The following WDR76 variants were observed in gnomAD, a reference collection of about 807,000 sequenced individuals.
WDR76 encodes WD repeat-containing protein 76.
In WDR76, 52 loss-of-function variants were observed where a neutral mutation model predicts 70.2. The ratio of observed to expected loss-of-function variants is 0.74; its 90% CI spans 0.59 to 0.93. The LOEUF (loss-of-function observed/expected upper bound fraction) is 0.93. WDR76 is among the 40% of genes least tolerant of loss of function. WDR76 has a pLI of 0.00. For synonymous variants in WDR76, 292 were observed against 271.1 expected (o/e 1.08, Z -0.76); for missense variants, 756 against 760.2 (o/e 0.99, Z 0.07).
At position 43,857,132 on chromosome 15, in the gene WDR76, C is replaced by T; in HGVS notation, c.1378C>T (p.His460Tyr). ...AAGAACTGTTCATGTCCACCCAGTGCATAGACAGTATTTTATCACTGCCGG... is the reference window on the plus strand; with the variant it reads ...AAGAACTGTTCATGTCCACCCAGTGTATAGACAGTATTTTATCACTGCCGG... ...KIRTVHVHPV[H>Y]RQYFITAGLR... Residue 460 changes from histidine to tyrosine, a missense_variant, in exon 10 of 13, where the codon CAT becomes TAT. Physicochemically the swap from His to Tyr is moderately conservative, Grantham distance 83. Transcript: ENST00000263795. 3 of 1,613,906 alleles carry T rather than the reference C, an allele frequency of 1.9e-6. No homozygotes were observed. The highest frequency in any genetic ancestry group is 2.5e-6 in the Non-Finnish European group (3 of 1,179,940).
At chr15:43,847,247 T>G (rs1366632474) in intron 8 of WDR76, among the ~76,000 whole-genome samples, 1 of 152,112 alleles carries the variant, frequency 6.6e-6, no homozygotes, top group Non-Finnish European at 1.5e-5. Context: ...TTAAAAAATG[T>G]AAAATTCAAT....
At chr15:43,827,535 G>T (rs868630083) in intron 1 of WDR76, among the ~76,000 whole-genome samples, 2 of 152,012 alleles carry the variant, frequency 1.3e-5, no homozygotes, top group Admixed American at 6.6e-5. Flanking sequence ...CTTACGAAGG[G>T]TGTCAATTTG....
Position 43,843,885 on chromosome 15 carries a change from T to A in WDR76, c.879-16T>A. The A allele has an allele frequency of 6.5e-7, 1 of 1,542,318 alleles. No homozygotes were observed. The highest frequency in any genetic ancestry group is 1.3e-5 in the South Asian group (1 of 79,378). On this transcript the variant is annotated splice_polypyrimidine_tract_variant and intron_variant, in intron 7 of 12. Transcript: ENST00000263795. ...ATTGGTTTTACTTACAAAATTTAAC[T>A]TTGTAATTTTCTTAGCTACAAAGCC...
chr15:43,861,674 T>C (rs1229505678), intron 12 of WDR76, among the ~76,000 whole-genome samples: 4 of 152,150 alleles, frequency 2.6e-5, no homozygotes, highest in Non-Finnish European at 1.5e-5. Flanking sequence ...ACTCATGTTA[T>C]CTTATTAAAG....
Position 43,864,625 on chromosome 15 carries a change from G to T in WDR76, c.1617-1503G>T, listed in dbSNP as rs973500792. ...CTTTTTTTTTTTTAAACGGAGTCTTGCTCTTGTTGCCCAAGCTGGAGTGCA... is the reference window on the plus strand; with the variant it reads ...CTTTTTTTTTTTTAAACGGAGTCTTTCTCTTGTTGCCCAAGCTGGAGTGCA... On this transcript the variant is annotated intron_variant, in intron 12 of 12. Transcript: ENST00000263795. 4.6e-5 allele frequency among the ~76,000 whole-genome samples: 7 copies of T among 150,692 alleles called. No homozygotes were observed. The South Asian group carries it at 1.5e-3, about 31-fold the overall frequency.
intron 5 of WDR76, among the ~76,000 whole-genome samples, chr15:43,842,196 T>G (rs1407693144): frequency 3.3e-5 from 5 of 152,162 alleles, no homozygotes; most frequent in Non-Finnish European, 7.3e-5. Context: ...TTTGCTAGGT[T>G]GTTGAGAGGA....
chr15:43,848,409 C>A (rs1286383241), intron 8 of WDR76, among the ~76,000 whole-genome samples: 1 of 152,116 alleles, frequency 6.6e-6, no homozygotes, highest in African/African-American at 2.4e-5. Context: ...GGTAAATTGA[C>A]CAAATCCTGA....
In WDR76 at chr15:43,851,048, GT is replaced by G. The variant is rs752304400; in HGVS notation, c.1033-32del. The G allele has an allele frequency of 1.5e-5, 24 of 1,605,688 alleles. No homozygotes were observed. The East Asian group carries it at 4.5e-4, about 30-fold the overall frequency. ...TAGCAAAAATCACTATTTTTCACTA[GT>G]TTTTTTCTCTCTCCCCTTTCCCGCA... On this transcript the variant is annotated intron_variant, in intron 8 of 12. Transcript: ENST00000263795.
intron 7 of WDR76, among the ~76,000 whole-genome samples, chr15:43,843,110 G>A (rs563204232): frequency 2.8e-5 from 4 of 141,554 alleles, no homozygotes; most frequent in Middle Eastern, 4.0e-3. Context: ...TGCAACCTTC[G>A]CTTCCTGGGC....
intron 4 of WDR76, among the ~76,000 whole-genome samples, chr15:43,838,708 C>T (rs1453043795): frequency 3.9e-5 from 6 of 152,012 alleles, no homozygotes; most frequent in African/African-American, 1.4e-4. Flanking sequence ...TATGAATGTA[C>T]TACATTTTAT....
intron 12 of WDR76, among the ~76,000 whole-genome samples, chr15:43,862,276 C>CTTTTTTTTTTTTTTTTTTTTTTTTTT: frequency 2.4e-5 from 1 of 42,156 alleles, no homozygotes; most frequent in Non-Finnish European, 4.7e-5. Context: ...TTATCAGTTT[C>CTTTTTTTTTTTTTTTTTTTTTTTTTT]TTTTTTTTTT....
chr15:43,856,875 C>A, intron 9 of WDR76, 71 bp from the exon 10 acceptor site: 1 of 1,385,972 alleles, frequency 7.2e-7, no homozygotes, highest in Non-Finnish European at 9.9e-7. Flanking sequence ...ACCCTTTTAC[C>A]AAAGAATTTA....
chr15:43,827,202 G>A, intron 1 of WDR76, 110 bp downstream of exon 1: 2 of 1,396,942 alleles, frequency 1.4e-6, no homozygotes, highest in Non-Finnish European at 2.0e-6. Context: ...GGGGTAGGCG[G>A]GGGATCCCTG....
At chr15:43,846,411 C>T (rs1033807974) in intron 8 of WDR76, among the ~76,000 whole-genome samples, 14 of 148,760 alleles carry the variant, frequency 9.4e-5, no homozygotes, top group African/African-American at 3.4e-4. Flanking sequence ...CAGCTTCCTG[C>T]GTAGCTGGGA....
chr15:43,862,960 G>C (rs1435171034), intron 12 of WDR76, among the ~76,000 whole-genome samples: 1 of 151,926 alleles, frequency 6.6e-6, no homozygotes, highest in Admixed American at 6.6e-5. Flanking sequence ...TTTAGAGACA[G>C]AGTCTCGCTC....
At chr15:43,857,445 T>G in intron 10 of WDR76, 6 of 985,048 alleles carry the variant, frequency 6.1e-6, no homozygotes, top group Non-Finnish European at 7.2e-6. Flanking sequence ...AAATTTAAAT[T>G]TCACAGAAAA....
chr15:43,839,778 A>G (rs200444385), intron 5 of WDR76, 50 bp downstream of exon 5: 3 of 1,526,192 alleles, frequency 2.0e-6, no homozygotes, highest in African/African-American at 2.8e-5. Context: ...ATACTGAAAA[A>G]TTTGAAGTGT....
At chr15:43,846,053 A>AT (rs2087784600) in intron 8 of WDR76, among the ~76,000 whole-genome samples, 1 of 150,048 alleles carries the variant, frequency 6.7e-6, no homozygotes, top group East Asian at 1.9e-4. Flanking sequence ...GAAGATCAGA[A>AT]TAGTATGTTT....
chr15:43,857,201 A>G (rs761746513), intron 10 of WDR76, 38 bp downstream of exon 10: 1 of 1,542,264 alleles, frequency 6.5e-7, no homozygotes, highest in Non-Finnish European at 8.8e-7. Context: ...TAGACCTTTT[A>G]ATGTCACAAT....
Sources: allele counts gnomAD v4.1 joint callset (sites outside exome capture counted in the v4.1 genomes callset), GRCh38; gene constraint gnomAD v4.1.1; transcripts MANE v1.5; gene names NCBI Gene and HGNC (gene_info 2026-07-23, HGNC 2026-07-21).